Variants in ADAMTS19 observed in about 807,000 individuals in gnomAD.
ADAMTS19 encodes the protein A disintegrin and metalloproteinase with thrombospondin motifs 19.
A neutral mutation model predicts 153.3 loss-of-function variants in ADAMTS19; 93 were observed. The ratio of observed to expected loss-of-function variants is 0.61; its 90% CI spans 0.51 to 0.72. ADAMTS19 has a LOEUF of 0.72. Among genes scored for constraint, ADAMTS19 ranks in the 30% least tolerant of loss-of-function variants. ADAMTS19 has a pLI of 0.00. For synonymous variants in ADAMTS19, 600 were observed against 556.6 expected (o/e 1.08, Z -1.10); for missense variants, 1,482 against 1,552.1 (o/e 0.95, Z 0.76).
chr5:129,466,971 T>G (rs1749886452), intron 2 of ADAMTS19, among the ~76,000 whole-genome samples: 1 of 152,222 alleles, frequency 6.6e-6, no homozygotes, highest in African/African-American at 2.4e-5. Context: ...TTATAATTGT[T>G]TCATTTCAAA....
At chr5:129,664,770 T>C (rs770432102) in intron 15 of ADAMTS19, among the ~76,000 whole-genome samples, 3 of 152,166 alleles carry the variant, frequency 2.0e-5, no homozygotes, top group Admixed American at 6.5e-5. Flanking sequence ...GTTCTCACTA[T>C]TCTGCACTAA....
rs1749643375 is a variant in ADAMTS19 at position 129,461,253 on chromosome 5, G to A, written c.243G>A (p.Gln81=). Residue 81 remains glutamine, a synonymous_variant, in exon 2 of 23, where the codon CAG becomes CAA. Coordinates refer to ENST00000274487, the MANE Select transcript of ADAMTS19 (RefSeq NM_133638.6). The surrounding 1 kb of genome is among the most constrained non-coding windows in gnomAD (Gnocchi z 4.6). ...GGGGCGGCGGAAGCGCCCGGGCGCA[G>A]GCTGCCGGCAGCTCACGCGAGGTGC... The part of the protein sequence containing the change: ...GVGGGGSARA[Q]AAGSSREVRS... 1.6e-6 allele frequency: 2 copies of A among 1,263,850 alleles called. No homozygotes were observed. The highest frequency in any genetic ancestry group is 4.3e-5 in the Admixed American group (1 of 23,528). 78.3% of individuals were successfully genotyped at this position (1,263,850 alleles called of 1,614,324 possible). A position where few individuals can be genotyped will look rare whatever the true frequency, so the allele number is the denominator to read the frequency against.
rs772607883 is a variant in ADAMTS19 at position 129,665,590 on chromosome 5, T to A, written c.2506+11T>A. 6.3e-7 allele frequency: 1 copy of A among 1,599,310 alleles called. No individual in the cohort carries two copies. The highest frequency in any genetic ancestry group is 8.6e-7 in the Non-Finnish European group (1 of 1,169,098). ...CACATAGCTATTTAGGTAACCTGTGTTACAGACACAGAGAAGATCCAAGTA... is the reference window on the plus strand; with the variant it reads ...CACATAGCTATTTAGGTAACCTGTGATACAGACACAGAGAAGATCCAAGTA... On this transcript the variant is annotated intron_variant, in intron 16 of 22. Transcript: ENST00000274487.
intron 16 of ADAMTS19, among the ~76,000 whole-genome samples, chr5:129,671,607 A>G (rs1407059075): frequency 4.6e-5 from 7 of 152,194 alleles, no homozygotes; most frequent in African/African-American, 7.2e-5. Flanking sequence ...ATCAAACTAT[A>G]TATTATTTTA....
chr5:129,533,686 T>G lies in ADAMTS19; in HGVS notation c.1328+5009T>G, dbSNP rs113551483. Among the ~76,000 whole-genome samples, 367 of 152,292 alleles carry G rather than the reference T, an allele frequency of 2.4e-3. 4 individuals carry two copies. Among genetic ancestry groups the G allele is most frequent in the African/African-American group, 8.4e-3 (348 of 41,556 alleles). On this transcript the variant is annotated intron_variant, in intron 6 of 22. Transcript: ENST00000274487. ...TCTCTAGTTCTTTTAATTGTGATGT[T>G]AGGGTGTCAATTTTAGATCTTTCCT...
chr5:129,665,961 A>G (rs147362691), intron 16 of ADAMTS19, among the ~76,000 whole-genome samples: 1 of 148,776 alleles, frequency 6.7e-6, no homozygotes, highest in African/African-American at 2.5e-5. Flanking sequence ...TATTAATTGC[A>G]TTTATAAATG....
chr5:129,559,244 C>T (rs1333236919), intron 7 of ADAMTS19, among the ~76,000 whole-genome samples: 1 of 151,958 alleles, frequency 6.6e-6, no homozygotes, highest in Admixed American at 6.5e-5. Flanking sequence ...ATTTCCAATA[C>T]ATGTAACCAA....
At chr5:129,717,465 A>C (rs899383793) in intron 21 of ADAMTS19, among the ~76,000 whole-genome samples, 1 of 152,212 alleles carries the variant, frequency 6.6e-6, no homozygotes, top group African/African-American at 2.4e-5. Context: ...TAATTTTCGT[A>C]GTCATACAAC....
At chr5:129,616,005 T>TA (rs1203018396) in intron 8 of ADAMTS19, among the ~76,000 whole-genome samples, 13 of 151,992 alleles carry the variant, frequency 8.6e-5, no homozygotes, top group Admixed American at 7.9e-4. Context: ...CACGACAACG[T>TA]CAAAAGGAAT....
chr5:129,460,840 C>A (rs924230332), intron 1 of ADAMTS19, among the ~76,000 whole-genome samples: 1 of 152,144 alleles, frequency 6.6e-6, no homozygotes, highest in Non-Finnish European at 1.5e-5. Flanking sequence ...CATCGGTTTT[C>A]TTTTCAACAA....
At chr5:129,664,241 G>T (rs1330709605) in intron 15 of ADAMTS19, among the ~76,000 whole-genome samples, 1 of 152,132 alleles carries the variant, frequency 6.6e-6, no homozygotes. Context: ...ATTTGCCATT[G>T]TATTCAACTC....
At chr5:129,731,146 A>G (rs1401894014) in intron 21 of ADAMTS19, among the ~76,000 whole-genome samples, 1 of 151,902 alleles carries the variant, frequency 6.6e-6, no homozygotes, top group Non-Finnish European at 1.5e-5. Flanking sequence ...TTTAGTAGAG[A>G]TGGGGTTTCG....
At position 129,622,224 on chromosome 5, in the gene ADAMTS19, A is replaced by G; in HGVS notation, c.1646A>G (p.Gln549Arg). ...TCAAAGGCCAGTAACTGCTTGCTAC[A>G]AACAAATCCGCAGAGTGTCAATTCT... ...LRSKASNCLL[Q>R]TNPQSVNSVM... The change falls in exon 10 of 23, where the codon CAA (glutamine) becomes CGA (arginine). Residue 549 changes from glutamine (Q) to arginine (R), a missense_variant. Gln to Arg is a conservative substitution (Grantham distance 43, BLOSUM62 1). Transcript: ENST00000274487. 1 of 1,614,106 alleles carries G rather than the reference A, an allele frequency of 6.2e-7. No homozygotes were observed. Among genetic ancestry groups the G allele is most frequent in the Non-Finnish European group, 8.5e-7 (1 of 1,179,980 alleles).
intron 21 of ADAMTS19, among the ~76,000 whole-genome samples, chr5:129,721,194 A>G (rs972943154): frequency 2.6e-5 from 4 of 152,334 alleles, no homozygotes; most frequent in African/African-American, 7.2e-5. Flanking sequence ...CCTACTAAGC[A>G]TAGTGGTGTT....
intron 10 of ADAMTS19, among the ~76,000 whole-genome samples, chr5:129,634,980 A>G (rs1022401189): frequency 6.6e-6 from 1 of 152,198 alleles, no homozygotes; most frequent in African/African-American, 2.4e-5. Context: ...CCAAGAGTGG[A>G]CAGACAGCCT....
At chr5:129,512,312 T>C (rs1751464751) in intron 3 of ADAMTS19, among the ~76,000 whole-genome samples, 1 of 152,040 alleles carries the variant, frequency 6.6e-6, no homozygotes, top group African/African-American at 2.4e-5. Context: ...GTGGAGATTA[T>C]TGTCAATCTG....
At chr5:129,628,100 A>C (rs1421442291) in intron 10 of ADAMTS19, among the ~76,000 whole-genome samples, 1 of 152,162 alleles carries the variant, frequency 6.6e-6, no homozygotes. Context: ...GTACATATAC[A>C]CTATGGAATA....
intron 14 of ADAMTS19, among the ~76,000 whole-genome samples, chr5:129,658,303 GAAAGAA>G (rs1201592774): frequency 9.9e-6 from 1 of 101,352 alleles, no homozygotes; most frequent in African/African-American, 4.4e-5. Context: ...AAGAAAGAAA[GAAAGAA>G]AAAGAAAGAA....
chr5:129,508,735 T>C (rs936156316), intron 2 of ADAMTS19, among the ~76,000 whole-genome samples: 3 of 152,058 alleles, frequency 2.0e-5, no homozygotes, highest in Non-Finnish European at 4.4e-5. Context: ...AAAACTGTAT[T>C]GCTCTTTCTG....
Sources: allele counts gnomAD v4.1 joint callset (sites outside exome capture counted in the v4.1 genomes callset), GRCh38; gene constraint gnomAD v4.1.1; non-coding constraint Gnocchi (gnomAD v3.1); transcripts MANE v1.5; gene names NCBI Gene and HGNC (gene_info 2026-07-23, HGNC 2026-07-21).